Variants in SLX4IP observed in about 807,000 individuals in gnomAD.
SLX4IP encodes the protein SLX4 interacting protein, also known as protein SLX4IP.
Under a neutral mutation model 32.9 loss-of-function variants are expected in SLX4IP, and 34 were observed. The ratio of observed to expected loss-of-function variants is 1.03; its 90% confidence interval spans 0.79 to 1.38. The LOEUF (loss-of-function observed/expected upper bound fraction) is 1.38. SLX4IP is among the 40% of genes most tolerant of loss of function. SLX4IP has a pLI of 0.00. For synonymous variants in SLX4IP, 172 were observed against 171.7 expected (o/e 1.00, Z -0.01); for missense variants, 444 against 479.0 (o/e 0.93, Z 0.68).
At chr20:10,446,486 T>A (rs1225876818) in intron 1 of SLX4IP, among the ~76,000 whole-genome samples, 3 of 151,964 alleles carry the variant, frequency 2.0e-5, no homozygotes, top group African/African-American at 7.2e-5. Flanking sequence ...TTCTCATTTC[T>A]CTGGGATAAA....
At chr20:10,591,539 A>G (rs1443260928) in intron 4 of SLX4IP, among the ~76,000 whole-genome samples, 1 of 152,240 alleles carries the variant, frequency 6.6e-6, no homozygotes, top group African/African-American at 2.4e-5. Flanking sequence ...TCAAACAAGC[A>G]GCTACCTCAT....
intron 2 of SLX4IP, among the ~76,000 whole-genome samples, chr20:10,548,331 C>G (rs1259030465): frequency 6.6e-6 from 1 of 152,204 alleles, no homozygotes; most frequent in East Asian, 1.9e-4. Flanking sequence ...CTCCGCCTCC[C>G]GGGTTCATGC....
chr20:10,586,633 G>T (rs985996941), intron 4 of SLX4IP, among the ~76,000 whole-genome samples: 18 of 150,724 alleles, frequency 1.2e-4, no homozygotes, highest in African/African-American at 2.9e-4. Flanking sequence ...GATAAAGAGG[G>T]AAAAAAAGAT....
At chr20:10,474,621 A>C (rs1029081546) in intron 2 of SLX4IP, among the ~76,000 whole-genome samples, 2 of 152,128 alleles carry the variant, frequency 1.3e-5, no homozygotes, top group African/African-American at 2.4e-5. Context: ...CCCCAGAAGG[A>C]AGGCCAGATG....
chr20:10,475,286 G>A (rs747020635), intron 2 of SLX4IP, among the ~76,000 whole-genome samples: 8 of 152,182 alleles, frequency 5.3e-5, no homozygotes, highest in Non-Finnish European at 1.2e-4. Context: ...GAATCCCTGG[G>A]GAGTGGAAAG....
chr20:10,455,731 T>C (rs1052282053), intron 1 of SLX4IP, among the ~76,000 whole-genome samples: 3 of 152,110 alleles, frequency 2.0e-5, no homozygotes, highest in African/African-American at 7.2e-5. Flanking sequence ...TGCTTCAGCC[T>C]TCCCAGTAGT....
intron 1 of SLX4IP, among the ~76,000 whole-genome samples, chr20:10,445,625 C>T (rs577223551): frequency 7.1e-6 from 1 of 141,274 alleles, no homozygotes; most frequent in East Asian, 2.1e-4. Context: ...GATGAGATTG[C>T]CCTTTTTTTT....
chr20:10,599,212 C>T lies in SLX4IP; in HGVS notation c.316+460C>T, dbSNP rs138703733. Among the ~76,000 whole-genome samples, 24 of 152,244 alleles carry T rather than the reference C, an allele frequency of 1.6e-4. No homozygotes were observed. In the East Asian group the frequency reaches 2.7e-3, roughly 17 times the overall value. ...GGATATGATTTCAAACTTGTCCAGC[C>T]AGCAACAGTAAAGTCAGAAGCTAAT... On this transcript the variant is annotated intron_variant, in intron 5 of 7. Transcript: ENST00000334534.
intron 4 of SLX4IP, among the ~76,000 whole-genome samples, chr20:10,571,306 G>A (rs2066463245): frequency 2.6e-5 from 4 of 152,240 alleles, no homozygotes; most frequent in South Asian, 2.1e-4. Context: ...ACCTGCAGTC[G>A]GCTGAGTTCA....
At chr20:10,534,981 ATTT>A (rs2066026302) in intron 2 of SLX4IP, among the ~76,000 whole-genome samples, 1 of 152,106 alleles carries the variant, frequency 6.6e-6, no homozygotes, top group Non-Finnish European at 1.5e-5. Flanking sequence ...GCTTCCTAGG[ATTT>A]TAGTCTTTAT....
chr20:10,580,001 GATTAA>G (rs1214942800), intron 4 of SLX4IP, among the ~76,000 whole-genome samples: 1 of 152,132 alleles, frequency 6.6e-6, no homozygotes, highest in Admixed American at 6.5e-5. Flanking sequence ...CAGAGATTTA[GATTAA>G]ATTAAACCTT....
chr20:10,552,189 A>T (rs1393097406), intron 2 of SLX4IP, among the ~76,000 whole-genome samples: 1 of 152,152 alleles, frequency 6.6e-6, no homozygotes, highest in Non-Finnish European at 1.5e-5. Flanking sequence ...ATGTGAAGCT[A>T]TTCCTAGCAG....
chr20:10,603,440 C>A (rs2066867281), intron 6 of SLX4IP, among the ~76,000 whole-genome samples: 1 of 152,234 alleles, frequency 6.6e-6, no homozygotes, highest in Non-Finnish European at 1.5e-5. Context: ...TCTCACCGGT[C>A]TAAGCCTTTT....
At chr20:10,449,232 C>T (rs113420571) in intron 1 of SLX4IP, among the ~76,000 whole-genome samples, 9 of 152,306 alleles carry the variant, frequency 5.9e-5, no homozygotes, top group African/African-American at 1.9e-4. Context: ...TGGGCTTTAT[C>T]TTGGTAGAAT....
At chr20:10,610,803 C>A (rs1234797) in intron 6 of SLX4IP, among the ~76,000 whole-genome samples, 90,506 of 152,026 alleles carry the variant, frequency 0.6, 27,489 homozygotes, top group South Asian at 0.76. Context: ...CTTTTCTTTT[C>A]GTTATTCATT....
At chr20:10,509,507 G>A (rs540647732) in intron 2 of SLX4IP, among the ~76,000 whole-genome samples, 1 of 152,274 alleles carries the variant, frequency 6.6e-6, no homozygotes, top group African/African-American at 2.4e-5. Flanking sequence ...TCGCTCTCCT[G>A]TACCTCATTT....
rs1416909582 is a variant in SLX4IP at position 10,560,763 on chromosome 20, A to T, written c.181A>T (p.Lys61Ter). 2 of 1,608,926 alleles carry T rather than the reference A, an allele frequency of 1.2e-6. No homozygotes were observed. Among genetic ancestry groups the T allele is most frequent in the Non-Finnish European group, 1.7e-6 (2 of 1,177,556 alleles). ...AGTTCAGGAGTACTTGGAAGTTCGCAAACAGCACAGGCCATCAAATGCAGA... is the reference window on the plus strand; with the variant it reads ...AGTTCAGGAGTACTTGGAAGTTCGCTAACAGCACAGGCCATCAAATGCAGA... Reference protein sequence around the residue: ...SRVQEYLEVRKQHRPSNAEFT... With the variant: ...SRVQEYLEVR The change falls in exon 4 of 8, where the codon AAA (lysine) becomes TAA (stop). Residue 61 changes from lysine (K) to a stop codon, truncating the protein, a stop_gained. Coordinates refer to ENST00000334534, the MANE Select transcript of SLX4IP (RefSeq NM_001009608.3). LOFTEE classifies it high-confidence loss of function.
chr20:10,444,841 A>C (rs78876249), intron 1 of SLX4IP, among the ~76,000 whole-genome samples: 2,054 of 152,048 alleles, frequency 0.014, 36 homozygotes, highest in African/African-American at 0.045. Flanking sequence ...CACCGTTAAT[A>C]CTATTACACT....
chr20:10,603,977 C>T (rs979265119), intron 6 of SLX4IP, among the ~76,000 whole-genome samples: 1 of 152,226 alleles, frequency 6.6e-6, no homozygotes, highest in Admixed American at 6.5e-5. Flanking sequence ...CAATAAACAG[C>T]CCTTCCCTTC....
Sources: gnomAD v4.1 joint callset for allele counts (sites outside exome capture counted in the v4.1 genomes callset) on GRCh38, gnomAD v4.1.1 for gene constraint, MANE v1.5 for transcripts, NCBI Gene and HGNC (gene_info 2026-07-23, HGNC 2026-07-21) for gene names.